Variants in DYSF observed in about 807,000 individuals in gnomAD.
DYSF encodes the protein dystrophy-associated fer-1-like 1.
DYSF carries 212 observed loss-of-function variants against 274.9 expected under a neutral mutation model. The observed-to-expected ratio is 0.77, with a 90% CI of 0.69 to 0.86. DYSF has a LOEUF of 0.86. Ranked by LOEUF, DYSF falls within the 40% of genes least tolerant of loss-of-function variation. The pLI is 0.00. For missense variants in DYSF, 2,666 were observed against 2,783.2 expected (o/e 0.96, Z 0.95); for synonymous variants, 1,091 against 1,078.7 (o/e 1.01, Z -0.22).
chr2:71,678,897 G>C (rs1052687427), intron 52 of DYSF, among the ~76,000 whole-genome samples, 160 bp from the exon 53 acceptor site: 1 of 152,182 alleles, frequency 6.6e-6, no homozygotes, highest in African/African-American at 2.4e-5. Flanking sequence ...ACAATGGGTA[G>C]GGAGGTGGAG....
rs1469210509 is a variant in DYSF, at chr2:71,584,570, G to T, written c.3403-5023G>T. Among the ~76,000 whole-genome samples, 3 of 152,320 alleles carry T rather than the reference G, an allele frequency of 2.0e-5. No homozygotes were observed. In the East Asian group the frequency reaches 5.8e-4, roughly 29 times the overall value. On this transcript the variant is annotated intron_variant, in intron 30 of 55. Coordinates refer to ENST00000410020, the MANE Select transcript of DYSF (RefSeq NM_001130987.2). ...ATGCACCTTGCCTGTCCTTTGCCCT[G>T]GGACCTTAGGCCTGGGTGCTGCACA...
Position 71,511,819 on chromosome 2 carries a change from C to T in DYSF, c.358C>T (p.Leu120=), listed in dbSNP as rs892412351. Residue 120 remains leucine, a synonymous_variant, in exon 5 of 56, where the codon CTG becomes TTG. Transcript: ENST00000410020. The part of the protein sequence containing the change: ...KKQPTGASLV[L]QVSYTPLPGA... ...TCATCTCTTCCAGGCCTCGCTGGTC[C>T]TGCAGGTGTCCTACACACCGCTGCC... 9 of 1,550,720 alleles carry T rather than the reference C, an allele frequency of 5.8e-6. No individual in the cohort carries two copies. The highest frequency in any genetic ancestry group is 5.2e-6 in the Non-Finnish European group (6 of 1,146,292).
chr2:71,472,076 G>T (rs887421474), intron 1 of DYSF, among the ~76,000 whole-genome samples: 2 of 152,078 alleles, frequency 1.3e-5, no homozygotes, highest in Non-Finnish European at 2.9e-5. Context: ...TTATATGGAT[G>T]CACCATCATT....
chr2:71,669,767 C>T (rs2095086335), intron 51 of DYSF, 21 bp downstream of exon 51: 1 of 1,614,040 alleles, frequency 6.2e-7, no homozygotes, highest in Non-Finnish European at 8.5e-7. Flanking sequence ...TTCCGATTCC[C>T]TGTGGTGCCA....
In DYSF at chr2:71,665,338, C is replaced by T. The variant is rs187779994; in HGVS notation, c.5317+34C>T. The stretch of plus-strand genomic sequence containing the variant: ...CCACATGACCCCAAACCATGGTGGG[C>T]TCTCGCTGTATCCCTCCCTCTCTCA... On this transcript the variant is annotated intron_variant, in intron 47 of 55. Coordinates refer to ENST00000410020, the MANE Select transcript of DYSF (RefSeq NM_001130987.2). The T allele has an allele frequency of 4.2e-4, 682 of 1,613,680 alleles. 6 individuals carry two copies. In the African/African-American group the frequency reaches 8.2e-3, roughly 19 times the overall value.
Position 71,567,977 on chromosome 2 carries a change from C to G in DYSF, c.2592C>G (p.Ala864=). 5.0e-6 allele frequency: 8 copies of G among 1,614,114 alleles called. No individual in the cohort carries two copies. The highest frequency in any genetic ancestry group is 6.8e-6 in the Non-Finnish European group (8 of 1,180,026). Residue 864 remains alanine, a synonymous_variant, in exon 25 of 56, where the codon GCC becomes GCG. Transcript: ENST00000410020. ...LKYPMEKVPG[A]RMPVQIRVKL... Reference sequence around the variant, plus strand: ...ATCCGATGGAGAAGGTGCCTGGCGCCCGGATGCCAGTGCAGATACGGGTCA... The same window carrying G: ...ATCCGATGGAGAAGGTGCCTGGCGCGCGGATGCCAGTGCAGATACGGGTCA...
intron 17 of DYSF, among the ~76,000 whole-genome samples, chr2:71,547,211 A>G (rs773104511): frequency 2.0e-4 from 30 of 152,198 alleles, no homozygotes; most frequent in Admixed American, 3.3e-4. Context: ...CCCGGGATGG[A>G]CCTTCACACC....
chr2:71,484,214 G>A (rs916874190), intron 3 of DYSF, among the ~76,000 whole-genome samples: 2 of 151,786 alleles, frequency 1.3e-5, no homozygotes, highest in African/African-American at 4.8e-5. Flanking sequence ...CACCACACCT[G>A]GCTAATTTTT....
Position 71,574,208 on chromosome 2 carries a change from C to A in DYSF, c.3239C>A (p.Ala1080Glu), listed in dbSNP as rs562368641. 6.2e-7 allele frequency: 1 copy of A among 1,612,376 alleles called. No individual in the cohort carries two copies. Among genetic ancestry groups the A allele is most frequent in the Non-Finnish European group, 8.5e-7 (1 of 1,179,750 alleles). Residue 1080 changes from alanine (A) to glutamate (E), a missense_variant, in exon 30 of 56, where the codon GCG becomes GAG. Coordinates refer to ENST00000410020, the MANE Select transcript of DYSF (RefSeq NM_001130987.2). ...CCTTCTCTTGTGCAGCACAGGCAGG[C>A]GGAGGCGGAGGGCGAGGGCTGGGAG... The part of the protein sequence containing the change: ...QMEALKRHRQ[A>E]EAEGEGWEYA...
intron 41 of DYSF, among the ~76,000 whole-genome samples, chr2:71,624,889 G>A (rs1414192182): frequency 6.6e-6 from 1 of 151,346 alleles, no homozygotes; most frequent in East Asian, 1.9e-4. Context: ...TGATCATTTT[G>A]TACTTCTTCA....
At chr2:71,686,405 C>T (rs1573232325) in intron 55 of DYSF, 49 bp from the exon 56 acceptor site, 1 of 1,610,100 alleles carries the variant, frequency 6.2e-7, no homozygotes, top group Non-Finnish European at 8.5e-7. Flanking sequence ...TCTGGCTGTG[C>T]CTGCCCCAGT....
intron 10 of DYSF, among the ~76,000 whole-genome samples, chr2:71,518,741 G>A (rs535685314): frequency 1.3e-5 from 2 of 152,002 alleles, no homozygotes; most frequent in East Asian, 3.9e-4. Context: ...TTTAAAATAA[G>A]GGGCTTGGTT....
Position 71,535,075 on chromosome 2 carries a change from AC to A in DYSF, c.1436del (p.Thr479AsnfsTer13), listed in dbSNP as rs760190657. On this transcript the variant is annotated frameshift_variant, in exon 15 of 56. Transcript: ENST00000410020. LOFTEE classifies it high-confidence loss of function. Reference protein sequence around the residue: ...TANPQWNQNITLPAMFPSMCE... With the variant: ...TANPQWNQNIXLPAMFPSMCE... ...CAACCCTCAGTGGAACCAGAACATC[AC>A]ACTGCCTGCCATGGTGAGCCTCCTG... 1 of 1,613,972 alleles carries A rather than the reference AC, an allele frequency of 6.2e-7. No homozygotes were observed. Among genetic ancestry groups the A allele is most frequent in the East Asian group, 2.2e-5 (1 of 44,846 alleles).
chr2:71,655,277 T>C (rs996999932), intron 42 of DYSF, among the ~76,000 whole-genome samples: 5 of 152,322 alleles, frequency 3.3e-5, no homozygotes, highest in Admixed American at 1.3e-4. Context: ...TATTTGCTTA[T>C]ATTTTTCTAA....
intron 36 of DYSF, among the ~76,000 whole-genome samples, chr2:71,609,420 GCTCT>G (rs2093707024): frequency 6.7e-6 from 1 of 150,374 alleles, no homozygotes; most frequent in Non-Finnish European, 1.5e-5. Flanking sequence ...TAATGGCTCA[GCTCT>G]CTTGAAGTCA....
Position 71,668,820 on chromosome 2 carries a change from A to G in DYSF, c.5524A>G (p.Ile1842Val), listed in dbSNP as rs566300196. 4 of 1,613,672 alleles carry G rather than the reference A, an allele frequency of 2.5e-6. No individual in the cohort carries two copies. Among genetic ancestry groups the G allele is most frequent in the South Asian group, 1.1e-5 (1 of 90,972 alleles). Reference sequence around the variant, plus strand: ...GGGGCGGCCTGGACCTCCCTTCAACATCACCCCACGGAGAGCCAGAAGGTG... The same window carrying G: ...GGGGCGGCCTGGACCTCCCTTCAACGTCACCCCACGGAGAGCCAGAAGGTG... Reference protein sequence around the residue: ...ALGRPGPPFNITPRRARRFFL... With the variant: ...ALGRPGPPFNVTPRRARRFFL... Residue 1842 changes from isoleucine (I) to valine (V), a missense_variant, in exon 49 of 56, where the codon ATC becomes GTC. By Grantham distance (29) the Ile-to-Val change is conservative (BLOSUM62 3). Around this residue, in one of 3 missense-constraint regions of DYSF, gnomAD observed 1,460 missense variants for 1,502.1 expected, o/e 0.97. Coordinates refer to ENST00000410020, the MANE Select transcript of DYSF (RefSeq NM_001130987.2).
At chr2:71,676,918 A>T (rs1240205459) in intron 52 of DYSF, among the ~76,000 whole-genome samples, 1 of 108,698 alleles carries the variant, frequency 9.2e-6, no homozygotes, top group Admixed American at 1.1e-4. Flanking sequence ...ATGCTGAGAT[A>T]ATGTGTGTGT....
chr2:71,622,318 C>CT (rs900785284), intron 41 of DYSF, among the ~76,000 whole-genome samples: 10 of 152,002 alleles, frequency 6.6e-5, no homozygotes, highest in African/African-American at 2.4e-4. Context: ...GGAACTGACT[C>CT]TTTATTAAGG....
At chr2:71,466,227 T>C (rs952727913), upstream of DYSF, among the ~76,000 whole-genome samples, 1 of 151,832 alleles carries the variant, frequency 6.6e-6, no homozygotes, top group African/African-American at 2.4e-5. Context: ...GGGCTCGGGG[T>C]GCACGGCACG....
Sources: allele counts gnomAD v4.1 joint callset (sites outside exome capture counted in the v4.1 genomes callset), GRCh38; gene constraint gnomAD v4.1.1; regional missense constraint gnomAD v4.1.1; transcripts MANE v1.5; gene names NCBI Gene and HGNC (gene_info 2026-07-23, HGNC 2026-07-21).